Variants in GALNT2 observed in about 807,000 individuals in gnomAD.
The protein encoded by GALNT2 is polypeptide N-acetylgalactosaminyltransferase 2.
In GALNT2, 31 loss-of-function variants were observed where a neutral mutation model predicts 81.4. That is an observed-to-expected ratio of 0.38 (90% confidence interval 0.29 to 0.51). The LOEUF is 0.51. GALNT2 is among the 20% of genes least tolerant of loss of function. GALNT2 has a pLI of 0.87. For missense variants in GALNT2, 629 were observed against 765.7 expected (o/e 0.82, Z 2.11); for synonymous variants, 303 against 287.4 (o/e 1.05, Z -0.55).
chr1:230,208,968 G>C (rs1391591298), intron 3 of GALNT2, among the ~76,000 whole-genome samples: 1 of 151,956 alleles, frequency 6.6e-6, no homozygotes, highest in African/African-American at 2.4e-5. Context: ...CTGGCACATT[G>C]AAGAGACTGT....
chr1:230,244,232 C>G (rs1665296333), intron 7 of GALNT2, among the ~76,000 whole-genome samples: 1 of 151,990 alleles, frequency 6.6e-6, no homozygotes, highest in Admixed American at 6.6e-5. Context: ...TTATGAAGAT[C>G]ATATTCATTA....
intron 1 of GALNT2, among the ~76,000 whole-genome samples, chr1:230,082,321 C>A (rs1659760301): frequency 6.6e-6 from 1 of 152,198 alleles, no homozygotes; most frequent in South Asian, 2.1e-4. Flanking sequence ...TGTAAGTTTC[C>A]AGGGGCACCG....
chr1:230,250,652 G>A (rs1665517136), intron 10 of GALNT2, 92 bp downstream of exon 10: 3 of 818,486 alleles, frequency 3.7e-6, no homozygotes, highest in South Asian at 1.8e-5. Context: ...AAAGGCTTCA[G>A]AGTGACCATT....
intron 3 of GALNT2, among the ~76,000 whole-genome samples, chr1:230,234,120 T>A (rs1311772550): frequency 6.6e-6 from 1 of 152,140 alleles, no homozygotes; most frequent in African/African-American, 2.4e-5. Context: ...GGTCTTGGTG[T>A]GGGCTTTTAG....
intron 2 of GALNT2, among the ~76,000 whole-genome samples, chr1:230,202,602 G>A (rs543958625): frequency 6.6e-6 from 1 of 152,294 alleles, no homozygotes; most frequent in South Asian, 2.1e-4. Context: ...GTGGGGTCAG[G>A]CATACTAACA....
At chr1:230,160,570 C>G (rs1017540394) in intron 1 of GALNT2, among the ~76,000 whole-genome samples, 2 of 151,950 alleles carry the variant, frequency 1.3e-5, no homozygotes, top group African/African-American at 4.8e-5. Context: ...AAAAATTAGC[C>G]GGTCGTGGTA....
intron 1 of GALNT2, among the ~76,000 whole-genome samples, chr1:230,068,294 T>G (rs1475531684): frequency 6.6e-6 from 1 of 152,096 alleles, no homozygotes; most frequent in East Asian, 1.9e-4. Context: ...GGGAGGATGG[T>G]GAGCGCCGAG....
intron 6 of GALNT2, 86 bp downstream of exon 6, chr1:230,236,811 C>T: frequency 7.6e-7 from 1 of 1,323,298 alleles, no homozygotes; most frequent in Non-Finnish European, 1.0e-6. Context: ...GCTCAAAGAG[C>T]AATTAATTGT....
In GALNT2 at chr1:230,271,789, G is replaced by A. The variant is rs956655876; in HGVS notation, c.1441-2656G>A. On this transcript the variant is annotated intron_variant, in intron 14 of 15. Transcript: ENST00000366672. The surrounding 1 kb of genome is among the most constrained non-coding windows in gnomAD (Gnocchi z 4.2). ...TCTCCAGGTGTGCCGCTCTCCCAGC[G>A]CCTCCGCATGTCCGGCAGCCACATC... Among the ~76,000 whole-genome samples, 17 of 152,216 alleles carry A rather than the reference G, an allele frequency of 1.1e-4. No homozygotes were observed. Among genetic ancestry groups the A allele is most frequent in the African/African-American group, 3.4e-4 (14 of 41,462 alleles).
At chr1:230,208,502 AG>A (rs1471072379) in intron 3 of GALNT2, among the ~76,000 whole-genome samples, 2 of 152,182 alleles carry the variant, frequency 1.3e-5, no homozygotes, top group Non-Finnish European at 2.9e-5. Flanking sequence ...TTCAGGAGGA[AG>A]GTCTTAGCGG....
chr1:230,115,907 T>A (rs937375398), intron 1 of GALNT2, among the ~76,000 whole-genome samples: 2 of 152,244 alleles, frequency 1.3e-5, no homozygotes, highest in Non-Finnish European at 2.9e-5. Flanking sequence ...CTTTCTTTGC[T>A]CTTCCATGTC....
At chr1:230,267,685 C>T in intron 14 of GALNT2, among the ~76,000 whole-genome samples, 1 of 152,314 alleles carries the variant, frequency 6.6e-6, no homozygotes, top group South Asian at 2.1e-4. Flanking sequence ...GAGGGAGGAA[C>T]CCATACAGGG....
At chr1:230,206,184 G>T (rs1286734031) in intron 3 of GALNT2, among the ~76,000 whole-genome samples, 3 of 152,090 alleles carry the variant, frequency 2.0e-5, no homozygotes, top group Admixed American at 2.0e-4. Flanking sequence ...GAAGAATGGT[G>T]TTCTTTCTCA....
chr1:230,185,240 A>G (rs1663285488), intron 2 of GALNT2, among the ~76,000 whole-genome samples: 1 of 151,086 alleles, frequency 6.6e-6, no homozygotes, highest in Non-Finnish European at 1.5e-5. Flanking sequence ...TGGTTCTGAT[A>G]CTTGCTGTGT....
chr1:230,140,207 G>T (rs1470644035), intron 1 of GALNT2, among the ~76,000 whole-genome samples: 1 of 152,194 alleles, frequency 6.6e-6, no homozygotes, highest in Non-Finnish European at 1.5e-5. Flanking sequence ...GAATCCCAAG[G>T]CTTGGGTTTA....
intron 15 of GALNT2, among the ~76,000 whole-genome samples, chr1:230,278,112 C>CTTTT (rs34767763): frequency 8.3e-6 from 1 of 121,190 alleles, no homozygotes; most frequent in African/African-American, 3.0e-5. Flanking sequence ...GTTTTTCTTT[C>CTTTT]TTTTTTTTTT....
chr1:230,266,989 G>GACACACAC (rs35956776), intron 14 of GALNT2, among the ~76,000 whole-genome samples: 3,184 of 146,758 alleles, frequency 0.022, 70 homozygotes, highest in African/African-American at 0.049. Context: ...GCACGTGTGT[G>GACACACAC]ACACACACAC....
intron 2 of GALNT2, among the ~76,000 whole-genome samples, chr1:230,178,934 T>TC (rs1034172450): frequency 1.2e-4 from 18 of 151,850 alleles, no homozygotes; most frequent in Non-Finnish European, 8.8e-5. Context: ...CATCCTTTGC[T>TC]CCCCCCAGCC....
intron 1 of GALNT2, among the ~76,000 whole-genome samples, chr1:230,136,503 C>T (rs1171913728): frequency 2.0e-5 from 3 of 152,166 alleles, no homozygotes; most frequent in Non-Finnish European, 4.4e-5. Context: ...ATGTGAGTTC[C>T]AGCACATGCA....
Sources: gnomAD v4.1 joint callset for allele counts (sites outside exome capture counted in the v4.1 genomes callset) on GRCh38, gnomAD v4.1.1 for gene constraint, Gnocchi (gnomAD v3.1) non-coding constraint, MANE v1.5 for transcripts, NCBI Gene and HGNC (gene_info 2026-07-23, HGNC 2026-07-21) for gene names.